The following LRFN2 variants were observed in gnomAD, a reference collection of about 807,000 sequenced individuals.
LRFN2 encodes leucine rich repeat and fibronectin type III domain containing 2.
In LRFN2, 18 loss-of-function variants were observed where a neutral mutation model predicts 37.3. The ratio of observed to expected loss-of-function variants is 0.48; its 90% CI spans 0.33 to 0.72. LRFN2 has a LOEUF of 0.72. Among genes scored for constraint, LRFN2 ranks in the 30% least tolerant of loss-of-function variants. The pLI is 0.02. For synonymous variants in LRFN2, 556 were observed against 466.6 expected (o/e 1.19, Z -2.47); for missense variants, 1,006 against 1,060.7 (o/e 0.95, Z 0.72).
At chr6:40,398,047 C>T (rs528040105) in intron 2 of LRFN2, among the ~76,000 whole-genome samples, 22 of 152,074 alleles carry the variant, frequency 1.4e-4, no homozygotes, top group African/African-American at 5.3e-4. Context: ...TGGGGAAAAT[C>T]GAAGCTGCTC....
intron 1 of LRFN2, among the ~76,000 whole-genome samples, chr6:40,579,577 T>C (rs1767355145): frequency 6.6e-6 from 1 of 151,024 alleles, no homozygotes; most frequent in Non-Finnish European, 1.5e-5. Context: ...TGTGTGACCT[T>C]GACTGACTCC....
At chr6:40,404,668 G>A (rs1423343314) in intron 2 of LRFN2, among the ~76,000 whole-genome samples, 2 of 152,284 alleles carry the variant, frequency 1.3e-5, no homozygotes, top group Admixed American at 6.5e-5. Flanking sequence ...CCAGCAAGTG[G>A]TATTAACACT....
chr6:40,398,401 T>C (rs1464368000), intron 2 of LRFN2, among the ~76,000 whole-genome samples: 1 of 151,856 alleles, frequency 6.6e-6, no homozygotes, highest in Non-Finnish European at 1.5e-5. Context: ...CACTCTTCTC[T>C]GCCGCCGACC....
chr6:40,398,251 C>T (rs1483722243), intron 2 of LRFN2, among the ~76,000 whole-genome samples: 2 of 151,924 alleles, frequency 1.3e-5, no homozygotes, highest in South Asian at 2.1e-4. Context: ...GCTAAAATGT[C>T]TCCAAGCATT....
At chr6:40,579,650 G>A (rs796331984) in intron 1 of LRFN2, among the ~76,000 whole-genome samples, 1 of 151,752 alleles carries the variant, frequency 6.6e-6, no homozygotes, top group African/African-American at 2.4e-5. Flanking sequence ...GAATGCAGGT[G>A]AAGGGCTGCA....
At chr6:40,435,892 C>T (rs148965856) in intron 1 of LRFN2, among the ~76,000 whole-genome samples, 335 of 152,160 alleles carry the variant, frequency 2.2e-3, no homozygotes, top group East Asian at 5.6e-3. Context: ...TCCATTATTG[C>T]GCCTCTTTAA....
chr6:40,408,331 G>A (rs533918056), intron 2 of LRFN2, among the ~76,000 whole-genome samples: 32 of 152,262 alleles, frequency 2.1e-4, no homozygotes, highest in African/African-American at 7.0e-4. Flanking sequence ...GTCACTTCAG[G>A]GAGGCTGATG....
intron 1 of LRFN2, among the ~76,000 whole-genome samples, chr6:40,508,212 AC>A (rs1307229069): frequency 2.6e-5 from 4 of 152,186 alleles, no homozygotes; most frequent in African/African-American, 9.7e-5. Flanking sequence ...GTACCACTCT[AC>A]AAATTTTAAT....
At chr6:40,464,645 C>G (rs1198101654) in intron 1 of LRFN2, among the ~76,000 whole-genome samples, 1 of 152,228 alleles carries the variant, frequency 6.6e-6, no homozygotes, top group Non-Finnish European at 1.5e-5. Flanking sequence ...GTCTCACTCA[C>G]ACCCCTCAAT....
intron 1 of LRFN2, among the ~76,000 whole-genome samples, chr6:40,495,422 C>T (rs1292699423): frequency 6.6e-6 from 1 of 152,196 alleles, no homozygotes; most frequent in Non-Finnish European, 1.5e-5. Flanking sequence ...ATTTACTAGT[C>T]AGTACCATCT....
At chr6:40,468,877 G>A (rs1045704805) in intron 1 of LRFN2, among the ~76,000 whole-genome samples, 2 of 152,202 alleles carry the variant, frequency 1.3e-5, no homozygotes, top group African/African-American at 2.4e-5. Context: ...ATTTTGAAGT[G>A]CAGTGAGTGG....
At chr6:40,555,805 T>C (rs1192223495) in intron 1 of LRFN2, among the ~76,000 whole-genome samples, 1 of 152,050 alleles carries the variant, frequency 6.6e-6, no homozygotes, top group African/African-American at 2.4e-5. Context: ...CAGCCCTCTC[T>C]ACCTTGCCTC....
rs949242085 is a variant in LRFN2, at chr6:40,587,045, A to T, written c.-123T>A. 1 of 152,036 alleles carries T rather than the reference A, an allele frequency of 6.6e-6. No homozygotes were observed. The highest frequency in any genetic ancestry group is 1.5e-5 in the Non-Finnish European group (1 of 68,022). The allele number at this position is 152,036 out of a possible 1,614,324, so 9.4% of individuals were successfully genotyped here. On this transcript the variant is annotated 5_prime_UTR_variant, in exon 1 of 3. Transcript: ENST00000338305. The surrounding 1 kb of genome is among the most constrained non-coding windows in gnomAD (Gnocchi z 4.2). ...ACGCATCCTTCCCCGCCCGAGACAG[A>T]CTCGAGCTAAACCCTCCGGCGGCTC...
rs145062654 is a variant in LRFN2 at position 40,431,615 on chromosome 6, G to A, written c.1400+99C>T. 1.3e-4 allele frequency: 137 copies of A among 1,046,610 alleles called. No individual in the cohort carries two copies. The East Asian group carries it at 3.5e-3, about 26-fold the overall frequency. 64.8% of individuals were successfully genotyped at this position (1,046,610 alleles called of 1,614,324 possible). A position where few individuals can be genotyped will look rare whatever the true frequency, so the allele number is the denominator to read the frequency against. ...CAGAATCCCCACAGACACCTTTGGG[G>A]AAGAGGGGTATAGGTGGGAGCAGCC... On this transcript the variant is annotated intron_variant, in intron 2 of 2. Transcript: ENST00000338305.
At chr6:40,408,484 T>C (rs1172158253) in intron 2 of LRFN2, among the ~76,000 whole-genome samples, 1 of 152,134 alleles carries the variant, frequency 6.6e-6, no homozygotes, top group East Asian at 1.9e-4. Flanking sequence ...CTATTCTACA[T>C]GTGCCCCAAT....
intron 1 of LRFN2, among the ~76,000 whole-genome samples, chr6:40,496,282 G>T (rs1189428084): frequency 3.9e-5 from 6 of 151,934 alleles, no homozygotes; most frequent in African/African-American, 1.5e-4. Context: ...TGTCATTCTG[G>T]CCCACCTCCA....
chr6:40,537,517 A>G (rs1029730886), intron 1 of LRFN2, among the ~76,000 whole-genome samples: 3 of 152,092 alleles, frequency 2.0e-5, no homozygotes, highest in Non-Finnish European at 4.4e-5. Context: ...GAGAGAGCTG[A>G]ATCCAAGGCC....
intron 1 of LRFN2, among the ~76,000 whole-genome samples, chr6:40,497,641 G>T (rs1765266908): frequency 6.6e-6 from 1 of 152,172 alleles, no homozygotes. Flanking sequence ...GCTCGGAAGG[G>T]TAGAGCTGAG....
At chr6:40,484,079 C>T (rs931677304) in intron 1 of LRFN2, among the ~76,000 whole-genome samples, 15 of 152,190 alleles carry the variant, frequency 9.9e-5, no homozygotes, top group Admixed American at 4.6e-4. Context: ...TTCTGTGTAC[C>T]CATGCCAGCT....
Sources: gnomAD v4.1 joint callset for allele counts (sites outside exome capture counted in the v4.1 genomes callset) on GRCh38, gnomAD v4.1.1 for gene constraint, Gnocchi (gnomAD v3.1) non-coding constraint, MANE v1.5 for transcripts, NCBI Gene and HGNC (gene_info 2026-07-23, HGNC 2026-07-21) for gene names.